Variants in ADARB2 observed in about 807,000 individuals in gnomAD.
ADARB2 encodes adenosine deaminase RNA specific B2 (inactive).
In ADARB2, 25 loss-of-function variants were observed where a neutral mutation model predicts 62.2. That is an observed-to-expected ratio of 0.40 (90% CI 0.29 to 0.56). ADARB2 has a LOEUF of 0.56. Ranked by LOEUF, ADARB2 falls within the 20% of genes least tolerant of loss-of-function variation. The pLI, the probability that ADARB2 is intolerant of heterozygous loss-of-function variation, is 0.43. For missense variants in ADARB2, 1,071 were observed against 1,077.4 expected, an observed-to-expected ratio of 0.99 and a Z score of 0.08; for synonymous variants, 572 against 500.8, an observed-to-expected ratio of 1.14 and a Z score of -1.90.
chr10:1,475,115 G>C (rs1831381615), intron 1 of ADARB2, among the ~76,000 whole-genome samples: 1 of 152,146 alleles, frequency 6.6e-6, no homozygotes, highest in Non-Finnish European at 1.5e-5. Context: ...TCAACGCGGC[G>C]TCGTCAAGCT....
At position 1,323,963 on chromosome 10, in the gene ADARB2, C is replaced by T. The variant is rs191210508; in HGVS notation, c.1077+39065G>A. Among the ~76,000 whole-genome samples, 686 of 152,292 alleles carry T rather than the reference C, an allele frequency of 4.5e-3. 3 individuals carry two copies. The highest frequency in any genetic ancestry group is 0.016 in the African/African-American group (650 of 41,562). On this transcript the variant is annotated intron_variant, in intron 3 of 9. Coordinates refer to ENST00000381312, the MANE Select transcript of ADARB2 (RefSeq NM_018702.4). ...AAGATTGCCTTAAAGGGATGAACAA[C>T]AAGCCATAAACTGCGAGGAAATATC... is the stretch of plus-strand genomic sequence containing the variant.
chr10:1,575,404 C>T (rs1216301949), intron 1 of ADARB2, among the ~76,000 whole-genome samples: 1 of 152,214 alleles, frequency 6.6e-6, no homozygotes, highest in Non-Finnish European at 1.5e-5. Context: ...TCTGGCAACT[C>T]ACAGGTGGTG....
chr10:1,687,751 A>T (rs1233931677), intron 1 of ADARB2, among the ~76,000 whole-genome samples: 5 of 151,930 alleles, frequency 3.3e-5, no homozygotes, highest in Non-Finnish European at 5.9e-5. Flanking sequence ...AATTGTGATG[A>T]GGATTCAGGG....
intron 1 of ADARB2, among the ~76,000 whole-genome samples, chr10:1,596,952 A>T (rs1833343918): frequency 1.3e-5 from 2 of 152,108 alleles, no homozygotes; most frequent in South Asian, 4.1e-4. Flanking sequence ...TTCATCGCCG[A>T]CTTCTCTCCA....
At chr10:1,695,861 TAC>T (rs200924747) in intron 1 of ADARB2, among the ~76,000 whole-genome samples, 4,672 of 152,044 alleles carry the variant, frequency 0.031, 239 homozygotes, top group African/African-American at 0.11. Context: ...TGCATCCATG[TAC>T]ACACACATGC....
At chr10:1,446,580 A>G (rs1380596717) in intron 1 of ADARB2, among the ~76,000 whole-genome samples, 2 of 152,202 alleles carry the variant, frequency 1.3e-5, no homozygotes, top group Non-Finnish European at 2.9e-5. Flanking sequence ...GAAGCAGGAG[A>G]CACGCTGGGC....
intron 1 of ADARB2, among the ~76,000 whole-genome samples, chr10:1,458,280 TGAA>T (rs1484220628): frequency 1.3e-5 from 2 of 152,186 alleles, no homozygotes; most frequent in Non-Finnish European, 2.9e-5. Flanking sequence ...TAGGATCTTC[TGAA>T]GCTTGCAGTT....
chr10:1,407,109 T>C (rs1480964802), intron 1 of ADARB2, among the ~76,000 whole-genome samples: 2 of 152,204 alleles, frequency 1.3e-5, no homozygotes, highest in African/African-American at 4.8e-5. Context: ...TTTATGCAGG[T>C]GCTTACAAAG....
At chr10:1,609,137 C>A (rs538493789) in intron 1 of ADARB2, among the ~76,000 whole-genome samples, 52 of 152,346 alleles carry the variant, frequency 3.4e-4, no homozygotes, top group African/African-American at 1.2e-3. Context: ...GGGAGCCTGA[C>A]CCTGCTCCCA....
chr10:1,336,046 G>A (rs182030415), intron 3 of ADARB2, among the ~76,000 whole-genome samples: 2 of 152,324 alleles, frequency 1.3e-5, no homozygotes, highest in Admixed American at 6.5e-5. Flanking sequence ...GTTGTAGAAT[G>A]CAGTGATTTC....
intron 1 of ADARB2, among the ~76,000 whole-genome samples, chr10:1,723,187 T>A (rs192595112): frequency 6.6e-6 from 1 of 152,222 alleles, no homozygotes; most frequent in African/African-American, 2.4e-5. Context: ...GCTAACACAC[T>A]GTTTCTGAGA....
At chr10:1,383,962 T>C (rs1319180930) in intron 1 of ADARB2, among the ~76,000 whole-genome samples, 2 of 152,260 alleles carry the variant, frequency 1.3e-5, no homozygotes, top group African/African-American at 4.8e-5. Context: ...CCTTCTATGT[T>C]TCATTTATCC....
chr10:1,211,112 T>A (rs2131749196), intron 7 of ADARB2, among the ~76,000 whole-genome samples: 1 of 145,030 alleles, frequency 6.9e-6, no homozygotes, highest in East Asian at 2.3e-4. Context: ...CTCCTATCTA[T>A]CTTCTATCAT....
chr10:1,309,675 A>G (rs934572954), intron 3 of ADARB2, among the ~76,000 whole-genome samples: 3 of 152,244 alleles, frequency 2.0e-5, no homozygotes, highest in African/African-American at 7.2e-5. Flanking sequence ...GCAAGGCAGG[A>G]TGAGCCACTA....
intron 3 of ADARB2, among the ~76,000 whole-genome samples, chr10:1,273,110 C>G (rs114774533): frequency 0.026 from 3,923 of 152,280 alleles, 60 homozygotes; most frequent in Middle Eastern, 0.051. Context: ...CAGGATGAGG[C>G]CATCTCAAAG....
chr10:1,234,035 A>G (rs1830836893), intron 5 of ADARB2, among the ~76,000 whole-genome samples, 190 bp from the exon 6 acceptor site: 1 of 137,890 alleles, frequency 7.3e-6, no homozygotes, highest in South Asian at 2.2e-4. Flanking sequence ...CAATGGTGCC[A>G]TATTTGCTCA....
At chr10:1,407,104 G>A (rs935675515) in intron 1 of ADARB2, among the ~76,000 whole-genome samples, 7 of 152,206 alleles carry the variant, frequency 4.6e-5, no homozygotes, top group African/African-American at 1.7e-4. Context: ...GTTATTTTAT[G>A]CAGGTGCTTA....
chr10:1,232,443 GTA>G (rs990469398), intron 6 of ADARB2, among the ~76,000 whole-genome samples: 1 of 151,264 alleles, frequency 6.6e-6, no homozygotes, highest in Non-Finnish European at 1.5e-5. Flanking sequence ...TGTTTGCAGT[GTA>G]TGTGGTATGC....
intron 1 of ADARB2, among the ~76,000 whole-genome samples, chr10:1,601,507 C>A (rs1366655967): frequency 1.3e-5 from 2 of 152,172 alleles, no homozygotes; most frequent in Non-Finnish European, 2.9e-5. Context: ...AAATAAACAC[C>A]GATCTTAGCT....
Sources: gnomAD v4.1 joint callset for allele counts (sites outside exome capture counted in the v4.1 genomes callset) on GRCh38, gnomAD v4.1.1 for gene constraint, MANE v1.5 for transcripts, NCBI Gene and HGNC (gene_info 2026-07-23, HGNC 2026-07-21) for gene names.